The following PCDHA6 variants were observed in gnomAD, a reference collection of about 807,000 sequenced individuals.
PCDHA6 encodes the protein protocadherin alpha 6.
PCDHA6 carries 55 observed loss-of-function variants against 60.3 expected under a neutral mutation model. The ratio of observed to expected loss-of-function variants is 0.91; its 90% CI spans 0.73 to 1.14. The LOEUF is 1.14. Among genes scored for constraint, PCDHA6 ranks in the 50% most tolerant of loss-of-function variants. PCDHA6 has a pLI of 0.00. For synonymous variants in PCDHA6, 652 were observed against 557.9 expected, an observed-to-expected ratio of 1.17 and a Z score of -2.38; for missense variants, 1,327 against 1,256.5, an observed-to-expected ratio of 1.06 and a Z score of -0.85.
At chr5:140,850,285 T>G in intron 1 of PCDHA6, 1 of 1,595,606 alleles carries the variant, frequency 6.3e-7, no homozygotes, top group Non-Finnish European at 8.6e-7. Context: ...GTGCGCGCAG[T>G]GGACGCCGAC....
At chr5:140,889,113 G>C (rs1256051132) in intron 1 of PCDHA6, among the ~76,000 whole-genome samples, 1 of 151,370 alleles carries the variant, frequency 6.6e-6, no homozygotes, top group East Asian at 1.9e-4. Context: ...TTTATTCCAG[G>C]TGATACTGAT....
intron 1 of PCDHA6, chr5:140,850,153 T>A: frequency 1.3e-6 from 2 of 1,595,316 alleles, no homozygotes; most frequent in Non-Finnish European, 1.7e-6. Context: ...ACGCTGCAGG[T>A]GTTCGTGCTG....
chr5:140,967,119 T>C lies in PCDHA6; in HGVS notation c.2395-11830T>C, dbSNP rs374670692. 97 of 1,612,790 alleles carry C rather than the reference T, an allele frequency of 6.0e-5. No homozygotes were observed. The highest frequency in any genetic ancestry group is 8.1e-5 in the Non-Finnish European group (95 of 1,179,410). The stretch of plus-strand genomic sequence containing the variant: ...CTGTGTGAGCAGCGGCCTCGCTGCC[T>C]GCTCAGCTTGGAAGTGCTGGCGCAC... On this transcript the variant is annotated intron_variant, in intron 1 of 3. Transcript: ENST00000529310.
intron 1 of PCDHA6, chr5:140,882,641 G>A (rs1464189390): frequency 6.2e-7 from 1 of 1,614,104 alleles, no homozygotes; most frequent in Non-Finnish European, 8.5e-7. Context: ...GAAGGTGAGG[G>A]ACATTAACGA....
At chr5:141,004,080 A>G (rs1554259443) in intron 3 of PCDHA6, among the ~76,000 whole-genome samples, 1 of 152,198 alleles carries the variant, frequency 6.6e-6, no homozygotes, top group Non-Finnish European at 1.5e-5. Context: ...TAGGGGTAGA[A>G]ATGTGCTTCT....
At chr5:140,975,326 G>A (rs901942738) in intron 1 of PCDHA6, among the ~76,000 whole-genome samples, 2 of 152,216 alleles carry the variant, frequency 1.3e-5, no homozygotes, top group Non-Finnish European at 2.9e-5. Flanking sequence ...GTCCCATCCA[G>A]ATGATCTCCC....
At chr5:140,843,680 G>A (rs2150364967) in intron 1 of PCDHA6, 1 of 1,588,882 alleles carries the variant, frequency 6.3e-7, no homozygotes, top group Non-Finnish European at 8.6e-7. Context: ...TGATGTAGGC[G>A]AAGAGCAAGA....
At chr5:140,968,378 G>A (rs782689152) in intron 1 of PCDHA6, 15 of 1,614,040 alleles carry the variant, frequency 9.3e-6, no homozygotes, top group Non-Finnish European at 1.3e-5. Context: ...CAACTCCTTT[G>A]ACTATGAGAA....
chr5:140,831,488 T>TGG (rs60766535), intron 1 of PCDHA6, among the ~76,000 whole-genome samples: 58 of 148,696 alleles, frequency 3.9e-4, no homozygotes, highest in African/African-American at 1.2e-3. Context: ...GCCTCTGGAG[T>TGG]TACTACACAC....
chr5:140,863,150 AC>A (rs1554157831), intron 1 of PCDHA6: 2 of 619,160 alleles, frequency 3.2e-6, no homozygotes, highest in Non-Finnish European at 6.2e-6. Context: ...CTGGTGAAGG[AC>A]CACTGCGAGC....
chr5:140,829,291 C>A lies in PCDHA6; in HGVS notation c.1200C>A (p.Thr400=), dbSNP rs1224318047. 6.2e-7 allele frequency: 1 copy of A among 1,614,130 alleles called. No homozygotes were observed. Among genetic ancestry groups the A allele is most frequent in the Non-Finnish European group, 8.5e-7 (1 of 1,180,058 alleles). Residue 400 remains threonine (T), a synonymous_variant, in exon 1 of 4, where the codon ACC becomes ACA. Transcript: ENST00000529310. ...TPHVPFKLVS[T]FKNYYSLVLD... Reference sequence around the variant, plus strand: ...ACGTCCCTTTCAAGCTGGTGTCCACCTTCAAGAATTACTACTCGTTGGTGC... The same window carrying A: ...ACGTCCCTTTCAAGCTGGTGTCCACATTCAAGAATTACTACTCGTTGGTGC...
At chr5:140,841,570 T>G in intron 1 of PCDHA6, 2 of 1,613,936 alleles carry the variant, frequency 1.2e-6, no homozygotes, top group Non-Finnish European at 8.5e-7. Context: ...AGAATGGCAT[T>G]TTGTTTGTGA....
chr5:140,851,363 A>C lies in PCDHA6; in HGVS notation c.2394+20878A>C. 5 of 979,054 alleles carry C rather than the reference A, an allele frequency of 5.1e-6. 1 individual carries two copies. Among genetic ancestry groups the C allele is most frequent in the Non-Finnish European group, 6.2e-6 (5 of 807,194 alleles). 60.6% of individuals were successfully genotyped at this position (979,054 alleles called of 1,614,324 possible). On this transcript the variant is annotated intron_variant, in intron 1 of 3. Coordinates refer to ENST00000529310, the MANE Select transcript of PCDHA6 (RefSeq NM_018909.4). ...ATTTCTCTGGATGGAGACTGTGAAC[A>C]TCTGATTGTTCAGCAACCTTCAGTA...
chr5:140,976,142 C>T (rs1554237347), intron 1 of PCDHA6, among the ~76,000 whole-genome samples: 2 of 152,138 alleles, frequency 1.3e-5, no homozygotes, highest in Admixed American at 1.3e-4. Context: ...GGATGAAACT[C>T]ATGTACATTT....
intron 2 of PCDHA6, among the ~76,000 whole-genome samples, chr5:140,980,790 T>G (rs557225636): frequency 5.3e-4 from 80 of 152,312 alleles, no homozygotes; most frequent in African/African-American, 1.9e-3. Flanking sequence ...TGCCATTTCT[T>G]TTTTGCATTG....
intron 1 of PCDHA6, chr5:140,929,554 C>A (rs899446101): frequency 6.1e-6 from 3 of 488,410 alleles, no homozygotes; most frequent in African/African-American, 4.0e-5. Flanking sequence ...AAAATTAAAA[C>A]CTATTTAAGA....
intron 3 of PCDHA6, among the ~76,000 whole-genome samples, chr5:141,007,395 CAAAAAAA>C (rs35800918): frequency 2.2e-3 from 204 of 94,846 alleles, no homozygotes; most frequent in African/African-American, 7.3e-3. Flanking sequence ...TACTAAAATA[CAAAAAAA>C]AAAAAAAAAA....
rs1246720296 is a variant in PCDHA6, at chr5:140,996,308, AAGGGGGG to A, written c.2543-13314_2543-13308del. 2.6e-5 allele frequency among the ~76,000 whole-genome samples: 4 copies of A among 152,358 alleles called. No individual in the cohort carries two copies. The East Asian group carries it at 5.8e-4, about 22-fold the overall frequency. On this transcript the variant is annotated intron_variant, in intron 3 of 3. Coordinates refer to ENST00000529310, the MANE Select transcript of PCDHA6 (RefSeq NM_018909.4). ...CAAGAAGCACAGATTGTAACAAAGT[AAGGGGGG>A]AGGGTAGAGAAGAAAAGTTTGAAAA... is the stretch of plus-strand genomic sequence containing the variant.
intron 1 of PCDHA6, among the ~76,000 whole-genome samples, chr5:140,910,741 ATAAAT>A (rs2075151736): frequency 6.6e-6 from 1 of 152,142 alleles, no homozygotes; most frequent in African/African-American, 2.4e-5. Flanking sequence ...AACCAAGCAC[ATAAAT>A]TATCAGAACC....
Sources: allele counts gnomAD v4.1 joint callset (sites outside exome capture counted in the v4.1 genomes callset), GRCh38; gene constraint gnomAD v4.1.1; transcripts MANE v1.5; gene names NCBI Gene and HGNC (gene_info 2026-07-23, HGNC 2026-07-21).